The following ABI1 variants were observed in gnomAD, a reference collection of about 807,000 sequenced individuals.
ABI1 encodes abl interactor 1, also known as Abelson interactor 1.
Under a neutral mutation model 54.6 loss-of-function variants are expected in ABI1, and 14 were observed. That is an observed-to-expected ratio of 0.26 (90% CI 0.17 to 0.40). ABI1 has a LOEUF of 0.40. Among genes scored for constraint, ABI1 ranks in the 10% least tolerant of loss-of-function variants. ABI1 has a pLI of 1.00. For missense variants in ABI1, 443 were observed against 598.3 expected (o/e 0.74, Z 2.71); for synonymous variants, 194 against 209.3 (o/e 0.93, Z 0.63).
intron 1 of ABI1, among the ~76,000 whole-genome samples, chr10:26,859,161 T>A (rs1414178821): frequency 3.9e-5 from 6 of 152,076 alleles, no homozygotes; most frequent in Non-Finnish European, 7.4e-5. Flanking sequence ...GGGCTAAATA[T>A]AAAGTTTGCA....
chr10:26,845,395 C>A (rs1478496366), intron 1 of ABI1, among the ~76,000 whole-genome samples: 1 of 152,134 alleles, frequency 6.6e-6, no homozygotes, highest in Admixed American at 6.6e-5. Flanking sequence ...ATAATCGCAG[C>A]ACTTTGGGAG....
At chr10:26,857,911 T>C (rs1179393191) in intron 1 of ABI1, among the ~76,000 whole-genome samples, 3 of 151,030 alleles carry the variant, frequency 2.0e-5, no homozygotes, top group Non-Finnish European at 4.4e-5. Context: ...TCTTTTCAGA[T>C]GTTTTGCTAT....
In ABI1 at chr10:26,828,597, C is replaced by T. The variant is rs189685773; in HGVS notation, c.118-5292G>A. Among the ~76,000 whole-genome samples, 257 of 152,154 alleles carry T rather than the reference C, an allele frequency of 1.7e-3. 1 individual carries two copies. The highest frequency in any genetic ancestry group is 2.9e-3 in the Non-Finnish European group (195 of 67,998). ...AGTAAAGGTAAATTAATCAAATGAG[C>T]CTAACTGTGCATCCAATTAGTGGCC... On this transcript the variant is annotated intron_variant, in intron 1 of 10. Coordinates refer to ENST00000376140, the MANE Select transcript of ABI1 (RefSeq NM_001012750.3).
chr10:26,758,267 T>C (rs1385984765), intron 8 of ABI1, among the ~76,000 whole-genome samples: 1 of 152,084 alleles, frequency 6.6e-6, no homozygotes, highest in Non-Finnish European at 1.5e-5. Context: ...GTAGGAAAGC[T>C]TGTCTCATTC....
Position 26,748,035 on chromosome 10 carries a change from G to T in ABI1, c.*535C>A, listed in dbSNP as rs926750789. On this transcript the variant is annotated 3_prime_UTR_variant, in exon 11 of 11. Transcript: ENST00000376140. Reference sequence around the variant, plus strand: ...AATTCACGTTAAGACACCTAAGTACGAGTCCTCCAGGTAAATATTACACAA... The same window carrying T: ...AATTCACGTTAAGACACCTAAGTACTAGTCCTCCAGGTAAATATTACACAA... The T allele has an allele frequency of 4.9e-6, 1 of 204,302 alleles. No homozygotes were observed. The highest frequency in any genetic ancestry group is 6.0e-5 in the Admixed American group (1 of 16,738). The allele number at this position is 204,302 out of a possible 1,614,324, so 12.7% of individuals were successfully genotyped here.
At chr10:26,788,703 G>C (rs1297081356) in intron 2 of ABI1, among the ~76,000 whole-genome samples, 1 of 152,044 alleles carries the variant, frequency 6.6e-6, no homozygotes, top group Non-Finnish European at 1.5e-5. Flanking sequence ...ACGAGGTCAG[G>C]AGATCGAGAC....
In ABI1 at chr10:26,748,030, A is replaced by T. The variant is rs1837131013; in HGVS notation, c.*540T>A. 4.9e-6 allele frequency: 1 copy of T among 204,938 alleles called. No individual in the cohort carries two copies. The highest frequency in any genetic ancestry group is 1.9e-4 in the South Asian group (1 of 5,282). 12.7% of individuals were successfully genotyped at this position (204,938 alleles called of 1,614,324 possible). ...GACTCAATTCACGTTAAGACACCTA[A>T]GTACGAGTCCTCCAGGTAAATATTA... On this transcript the variant is annotated 3_prime_UTR_variant, in exon 11 of 11. Transcript: ENST00000376140.
At chr10:26,796,916 G>C (rs1280375779) in intron 2 of ABI1, among the ~76,000 whole-genome samples, 1 of 152,094 alleles carries the variant, frequency 6.6e-6, no homozygotes, top group East Asian at 1.9e-4. Context: ...TGGACATAAG[G>C]TTCACAATAG....
chr10:26,801,359 C>A (rs1040429888), intron 2 of ABI1, among the ~76,000 whole-genome samples: 9 of 151,998 alleles, frequency 5.9e-5, no homozygotes, highest in African/African-American at 2.2e-4. Flanking sequence ...CCAGCCTGGG[C>A]AATATGGCAA....
At chr10:26,842,429 C>G (rs183593109) in intron 1 of ABI1, among the ~76,000 whole-genome samples, 3 of 152,104 alleles carry the variant, frequency 2.0e-5, no homozygotes, top group African/African-American at 7.2e-5. Flanking sequence ...TTCAGTTTGA[C>G]GTCATTCCAT....
Position 26,794,228 on chromosome 10 carries a change from G to C in ABI1, c.286-16987C>G, listed in dbSNP as rs181085169. 2.6e-3 allele frequency among the ~76,000 whole-genome samples: 393 copies of C among 152,038 alleles called. 4 individuals carry two copies. In the South Asian group the frequency reaches 0.029, roughly 11 times the overall value. On this transcript the variant is annotated intron_variant, in intron 2 of 10. Transcript: ENST00000376140. ...ACTGTACTCCAGCCTGAGCAACCCT[G>C]TCTCCAAAATAAATAAAAATAAAAA... is the stretch of plus-strand genomic sequence containing the variant.
intron 2 of ABI1, among the ~76,000 whole-genome samples, chr10:26,793,482 T>C (rs1286097667): frequency 2.0e-5 from 3 of 152,170 alleles, no homozygotes; most frequent in Non-Finnish European, 2.9e-5. Flanking sequence ...CAAAAACCAC[T>C]TGGATCAGAA....
At chr10:26,852,036 G>C (rs948073356) in intron 1 of ABI1, among the ~76,000 whole-genome samples, 1 of 152,106 alleles carries the variant, frequency 6.6e-6, no homozygotes, top group Non-Finnish European at 1.5e-5. Flanking sequence ...GGGAAAGTCT[G>C]TAGACCCAGC....
intron 1 of ABI1, among the ~76,000 whole-genome samples, chr10:26,830,057 C>T (rs1306411172): frequency 6.6e-6 from 1 of 152,158 alleles, no homozygotes; most frequent in Non-Finnish European, 1.5e-5. Context: ...GAATTGAAAG[C>T]TACAGTCTTC....
intron 1 of ABI1, among the ~76,000 whole-genome samples, chr10:26,835,566 C>A (rs1057212154): frequency 9.6e-5 from 14 of 145,598 alleles, no homozygotes; most frequent in African/African-American, 3.4e-4. Flanking sequence ...AAGAGTTAGA[C>A]CCTGTCTCCA....
chr10:26,806,602 G>A (rs1237057388), intron 2 of ABI1, among the ~76,000 whole-genome samples: 1 of 152,200 alleles, frequency 6.6e-6, no homozygotes, highest in Non-Finnish European at 1.5e-5. Flanking sequence ...GGCACCATCA[G>A]TGGTTATAGC....
intron 1 of ABI1, among the ~76,000 whole-genome samples, chr10:26,825,250 T>C (rs1221022680): frequency 1.3e-5 from 2 of 152,188 alleles, no homozygotes; most frequent in Non-Finnish European, 2.9e-5. Flanking sequence ...AGCCTGGGTG[T>C]GGTGGCGGCT....
intron 2 of ABI1, among the ~76,000 whole-genome samples, chr10:26,783,043 G>A (rs7091364): frequency 3.9e-5 from 6 of 151,996 alleles, no homozygotes; most frequent in Admixed American, 3.9e-4. Flanking sequence ...GCCAAAAGAT[G>A]AAAGTAACCC....
intron 2 of ABI1, among the ~76,000 whole-genome samples, chr10:26,808,116 C>T (rs2046991088): frequency 6.6e-6 from 1 of 152,080 alleles, no homozygotes; most frequent in South Asian, 2.1e-4. Context: ...AGCAAACCAA[C>T]CAGGGCTATT....
Sources: gnomAD v4.1 joint callset for allele counts (sites outside exome capture counted in the v4.1 genomes callset) on GRCh38, gnomAD v4.1.1 for gene constraint, MANE v1.5 for transcripts, NCBI Gene and HGNC (gene_info 2026-07-23, HGNC 2026-07-21) for gene names.